The following CALCR variants were observed in gnomAD, a reference collection of about 807,000 sequenced individuals.
CALCR encodes calcitonin receptor.
A neutral mutation model predicts 59.5 loss-of-function variants in CALCR; 47 were observed. That is an observed-to-expected ratio of 0.79 (90% CI 0.63 to 1.01). The LOEUF is 1.01. Among genes scored for constraint, CALCR ranks in the 50% least tolerant of loss-of-function variants. CALCR has a pLI of 0.00. For synonymous variants in CALCR, 213 were observed against 211.3 expected, an observed-to-expected ratio of 1.01 and a Z score of -0.07; for missense variants, 566 against 597.1, an observed-to-expected ratio of 0.95 and a Z score of 0.54.
chr7:93,561,650 T>C (rs1438994381), intron 2 of CALCR, among the ~76,000 whole-genome samples: 5 of 152,200 alleles, frequency 3.3e-5, no homozygotes, highest in Non-Finnish European at 7.4e-5. Flanking sequence ...GTGTGATTCT[T>C]TAAATTGAAC....
intron 2 of CALCR, among the ~76,000 whole-genome samples, chr7:93,501,672 T>C (rs1801323855): frequency 1.3e-5 from 2 of 152,020 alleles, no homozygotes; most frequent in Admixed American, 6.6e-5. Context: ...TCTCCTCACC[T>C]CTCTCTGGTG....
chr7:93,557,075 T>C (rs1380503807), intron 2 of CALCR, among the ~76,000 whole-genome samples: 1 of 152,040 alleles, frequency 6.6e-6, no homozygotes, highest in African/African-American at 2.4e-5. Flanking sequence ...TTTGTCCTTT[T>C]TATTTTGAAT....
chr7:93,433,118 T>C (rs1799693194), intron 13 of CALCR, among the ~76,000 whole-genome samples: 1 of 150,338 alleles, frequency 6.7e-6, no homozygotes, highest in African/African-American at 2.4e-5. Context: ...ACAAAAACTT[T>C]GTCATGTTGC....
chr7:93,436,007 T>C lies in CALCR; in HGVS notation c.1094A>G (p.Asn365Ser), dbSNP rs747280946. Residue 365 changes from asparagine to serine, a missense_variant, in exon 12 of 14, where the codon AAC (asparagine) becomes AGC (serine). Physicochemically the swap from Asn to Ser is conservative, Grantham distance 46 (BLOSUM62 1). Coordinates refer to ENST00000426151, the MANE Select transcript of CALCR (RefSeq NM_001742.4). ...ATCATATATCTTCCCAAGCATCTTG[T>C]TGGAAGGTCTCCAGGGAAAGACGAC... ...QFVVFPWRPS[N>S]KMLGKIYDYV... 6.7e-5 allele frequency: 108 copies of C among 1,613,686 alleles called. No individual in the cohort carries two copies. Among genetic ancestry groups the C allele is most frequent in the Admixed American group, 3.5e-4 (21 of 59,996 alleles).
At position 93,426,041 on chromosome 7, in the gene CALCR, G is replaced by A; in HGVS notation, c.*315C>T. 4.4e-6 allele frequency: 1 copy of A among 225,068 alleles called. No homozygotes were observed. The highest frequency in any genetic ancestry group is 8.6e-6 in the Non-Finnish European group (1 of 116,456). 13.9% of individuals were successfully genotyped at this position (225,068 alleles called of 1,614,324 possible). ...ATAAATGGCTCAGTATTGACAAGGA[G>A]CACCCTGTATCTGAACTAGGTCAAT... On this transcript the variant is annotated 3_prime_UTR_variant, in exon 14 of 14. Transcript: ENST00000426151.
At chr7:93,488,597 A>AAAAAAAAAAAAAAC (rs1801002756) in intron 2 of CALCR, among the ~76,000 whole-genome samples, 1 of 149,358 alleles carries the variant, frequency 6.7e-6, no homozygotes, top group Non-Finnish European at 1.5e-5. Context: ...AAAAAAAAAA[A>AAAAAAAAAAAAAAC]AAAAGCATGG....
At chr7:93,491,270 A>T (rs971104624) in intron 2 of CALCR, among the ~76,000 whole-genome samples, 1 of 152,066 alleles carries the variant, frequency 6.6e-6, no homozygotes, top group Non-Finnish European at 1.5e-5. Context: ...GATGGATTAA[A>T]TTCTTAAATA....
In CALCR at chr7:93,426,569, G is replaced by A; in HGVS notation, c.1212C>T (p.Arg404=). Reference sequence around the variant, plus strand: ...ACTGAATTTTGAATTGGGCCCATTGGCGCTTCACGGTGGTTTGGACCTGGA... The same window carrying A: ...ACTGAATTTTGAATTGGGCCCATTGACGCTTCACGGTGGTTTGGACCTGGA... ...CNNEVQTTVK[R]QWAQFKIQWN... is the part of the protein sequence containing the mutation. Residue 404 remains arginine, a synonymous_variant, in exon 14 of 14, where the codon CGC becomes CGT. Transcript: ENST00000426151. The A allele has an allele frequency of 6.2e-7, 1 of 1,608,098 alleles. No homozygotes were observed. The highest frequency in any genetic ancestry group is 8.5e-7 in the Non-Finnish European group (1 of 1,175,276).
intron 8 of CALCR, among the ~76,000 whole-genome samples, chr7:93,452,421 G>C (rs1031848179): frequency 1.3e-5 from 2 of 151,806 alleles, no homozygotes; most frequent in African/African-American, 4.8e-5. Context: ...AAAGACCCTC[G>C]GCTCACCTGG....
chr7:93,530,314 T>C (rs1788799863), intron 2 of CALCR, among the ~76,000 whole-genome samples: 1 of 152,164 alleles, frequency 6.6e-6, no homozygotes, highest in South Asian at 2.1e-4. Flanking sequence ...CCAACTACCA[T>C]TAATAGATTA....
chr7:93,573,558 T>C (rs1790051732), intron 2 of CALCR, among the ~76,000 whole-genome samples: 1 of 152,202 alleles, frequency 6.6e-6, no homozygotes, highest in South Asian at 2.1e-4. Flanking sequence ...CTTAGGTAGA[T>C]TTGCCAAATA....
intron 2 of CALCR, among the ~76,000 whole-genome samples, chr7:93,563,454 C>A (rs1056507152): frequency 3.3e-5 from 5 of 152,048 alleles, no homozygotes; most frequent in Admixed American, 6.6e-5. Context: ...TAGTAGAAAT[C>A]ACACCTTTAA....
chr7:93,469,605 T>C (rs1468323048), intron 6 of CALCR, among the ~76,000 whole-genome samples: 1 of 151,742 alleles, frequency 6.6e-6, no homozygotes, highest in Non-Finnish European at 1.5e-5. Flanking sequence ...TTTCACTCTA[T>C]TTTGACACTA....
At chr7:93,471,938 A>G (rs982791572) in intron 6 of CALCR, among the ~76,000 whole-genome samples, 4 of 151,784 alleles carry the variant, frequency 2.6e-5, no homozygotes, top group African/African-American at 9.7e-5. Flanking sequence ...AGTTCTTTCT[A>G]TGCTTTATTA....
At position 93,476,292 on chromosome 7, in the gene CALCR, C is replaced by T. The variant is rs565904882; in HGVS notation, c.316+1266G>A. ...TCTTTTGAATTTCAATACAGTTCTT[C>T]ACTCTTTCACTATCTTTTACCAAGT... On this transcript the variant is annotated intron_variant, in intron 5 of 13. Coordinates refer to ENST00000426151, the MANE Select transcript of CALCR (RefSeq NM_001742.4). Among the ~76,000 whole-genome samples, 25 of 151,908 alleles carry T rather than the reference C, an allele frequency of 1.6e-4. No individual in the cohort carries two copies. In the South Asian group the frequency reaches 1.7e-3, roughly 10 times the overall value.
chr7:93,442,116 A>AG (rs139136436), intron 9 of CALCR, among the ~76,000 whole-genome samples: 3,586 of 152,216 alleles, frequency 0.024, 161 homozygotes, highest in African/African-American at 0.082. Flanking sequence ...ACAGATATGC[A>AG]AGGAAAAACA....
chr7:93,492,520 G>A (rs922257404), intron 2 of CALCR, among the ~76,000 whole-genome samples: 4 of 151,290 alleles, frequency 2.6e-5, no homozygotes, highest in Admixed American at 6.6e-5. Context: ...CATTTTATAT[G>A]TTGATCATTA....
chr7:93,476,372 C>T (rs554068369), intron 5 of CALCR, among the ~76,000 whole-genome samples: 2 of 151,824 alleles, frequency 1.3e-5, no homozygotes, highest in African/African-American at 4.8e-5. Context: ...TTTTGTACAT[C>T]ATTAAGATGT....
chr7:93,443,682 T>A lies in CALCR; in HGVS notation c.724A>T (p.Ile242Phe), dbSNP rs1426734554. 8 of 1,613,150 alleles carry A rather than the reference T, an allele frequency of 5.0e-6. No homozygotes were observed. The Admixed American group carries it at 1.3e-4, about 27-fold the overall frequency. The change falls in exon 9 of 14, where the codon ATC becomes TTC. Residue 242 changes from isoleucine to phenylalanine, a missense_variant. Transcript: ENST00000426151. The stretch of plus-strand genomic sequence containing the variant: ...ACGACAATGAGTGTATGAAGATAGA[T>A]CCCTTCACAGAGCATCCAGAAATAG... ...CNYFWMLCEG[I>F]YLHTLIVVAV...
Sources: allele counts gnomAD v4.1 joint callset (sites outside exome capture counted in the v4.1 genomes callset), GRCh38; gene constraint gnomAD v4.1.1; transcripts MANE v1.5; gene names NCBI Gene and HGNC (gene_info 2026-07-23, HGNC 2026-07-21).